The following FAM117B variants were observed in gnomAD, a reference collection of about 807,000 sequenced individuals.
FAM117B encodes protein FAM117B.
A neutral mutation model predicts 52.8 loss-of-function variants in FAM117B; 22 were observed. That is an observed-to-expected ratio of 0.42 (90% confidence interval 0.30 to 0.59). The LOEUF (loss-of-function observed/expected upper bound fraction) is 0.59, where lower values mean the gene tolerates loss of function less well. Among genes scored for constraint, FAM117B ranks in the 20% least tolerant of loss-of-function variants. The probability of loss-of-function intolerance (pLI) is 0.22; values close to 1 mark genes in which losing one functional copy is unlikely to be tolerated. For missense variants in FAM117B, 678 were observed against 802.6 expected (o/e 0.84, Z 1.88); for synonymous variants, 309 against 324.1 (o/e 0.95, Z 0.50).
At chr2:202,763,745 CTTAA>C (rs907498091) in intron 7 of FAM117B, among the ~76,000 whole-genome samples, 2 of 152,118 alleles carry the variant, frequency 1.3e-5, no homozygotes, top group African/African-American at 4.8e-5. Flanking sequence ...TTTCTTTGTT[CTTAA>C]TTGTTATATT....
chr2:202,681,737 G>C (rs1435654911), intron 1 of FAM117B, among the ~76,000 whole-genome samples: 1 of 152,214 alleles, frequency 6.6e-6, no homozygotes, highest in Non-Finnish European at 1.5e-5. Flanking sequence ...AAGTTGCATT[G>C]TAGAACACTC....
chr2:202,677,288 G>C (rs985991727), intron 1 of FAM117B, among the ~76,000 whole-genome samples: 1 of 151,874 alleles, frequency 6.6e-6, no homozygotes, highest in Non-Finnish European at 1.5e-5. Flanking sequence ...GGATGGTCTC[G>C]ATCTCCTGAC....
rs537895664 is a variant in FAM117B at position 202,742,630 on chromosome 2, A to G, written c.961-12908A>G. Among the ~76,000 whole-genome samples the G allele has an allele frequency of 2.2e-4, 34 of 152,354 alleles. 1 individual carries two copies. Among genetic ancestry groups the G allele is most frequent in the East Asian group, 1.2e-3 (6 of 5,194 alleles). On this transcript the variant is annotated intron_variant, in intron 4 of 7. Transcript: ENST00000392238. ...ATCTCAGCAGAAAAAAAAGATTTCT[A>G]TGACTCAAAATTCATAATCAACAAA...
At chr2:202,756,782 C>T (rs1691806147) in intron 5 of FAM117B, among the ~76,000 whole-genome samples, 1 of 152,130 alleles carries the variant, frequency 6.6e-6, no homozygotes. Context: ...ACCTTTCCCC[C>T]ATTTAGGAAG....
intron 1 of FAM117B, among the ~76,000 whole-genome samples, chr2:202,646,252 C>G (rs753207570): frequency 6.6e-6 from 1 of 152,216 alleles, no homozygotes; most frequent in African/African-American, 2.4e-5. Context: ...CTCAAGTGAT[C>G]CGCCTGTCTC....
intron 2 of FAM117B, among the ~76,000 whole-genome samples, chr2:202,707,854 C>T (rs541148663): frequency 2.2e-4 from 33 of 151,834 alleles, no homozygotes; most frequent in Admixed American, 3.3e-4. Context: ...CTGCAGCCTC[C>T]GCCTCCCAGG....
chr2:202,710,529 C>T (rs1422736460), intron 2 of FAM117B, among the ~76,000 whole-genome samples: 1 of 152,050 alleles, frequency 6.6e-6, no homozygotes, highest in Admixed American at 6.6e-5. Flanking sequence ...AGATATCTAT[C>T]ACCTCAAGCA....
rs1255981586 is a variant in FAM117B, at chr2:202,769,516, G to A, written c.*3752G>A. ...CCCTGAACAGCATTTTGTTTATACA[G>A]TCTTGTTTAAGAATAGAATTTTTTT... On this transcript the variant is annotated 3_prime_UTR_variant, in exon 8 of 8. Coordinates refer to ENST00000392238, the MANE Select transcript of FAM117B (RefSeq NM_173511.4). 1 of 152,496 alleles carries A rather than the reference G, an allele frequency of 6.6e-6. No homozygotes were observed. The highest frequency in any genetic ancestry group is 2.4e-5 in the African/African-American group (1 of 41,412). 9.4% of individuals were successfully genotyped at this position (152,496 alleles called of 1,614,324 possible).
At chr2:202,742,658 G>T (rs1241947642) in intron 4 of FAM117B, among the ~76,000 whole-genome samples, 2 of 152,048 alleles carry the variant, frequency 1.3e-5, no homozygotes, top group Non-Finnish European at 2.9e-5. Flanking sequence ...TCAACAAAAG[G>T]TTGATAAGTT....
intron 2 of FAM117B, among the ~76,000 whole-genome samples, chr2:202,724,287 T>C (rs891744399): frequency 1.8e-4 from 28 of 152,226 alleles, no homozygotes; most frequent in Admixed American, 7.8e-4. Flanking sequence ...TCGTGGCCTG[T>C]CCGCCTTGGC....
At chr2:202,643,513 T>TTA (rs2105752642) in intron 1 of FAM117B, among the ~76,000 whole-genome samples, 1 of 152,276 alleles carries the variant, frequency 6.6e-6, no homozygotes, top group Non-Finnish European at 1.5e-5. Flanking sequence ...ATGCTTGTCT[T>TTA]TATACTATAT....
Position 202,695,929 on chromosome 2 carries a change from G to C in FAM117B, c.650G>C (p.Arg217Pro), listed in dbSNP as rs780227097. Residue 217 changes from arginine to proline, a missense_variant, in exon 2 of 8, where the codon CGC becomes CCC. Transcript: ENST00000392238. ...TCAAGCCCCTCCAGTATTATCCGACGCACTTCCTCCCTGGATACTCTTGCT... is the reference window on the plus strand; with the variant it reads ...TCAAGCCCCTCCAGTATTATCCGACCCACTTCCTCCCTGGATACTCTTGCT... ...PSSSPSSIIRRTSSLDTLAAP... is the reference protein window; with the variant it reads ...PSSSPSSIIRPTSSLDTLAAP... 1 of 1,613,436 alleles carries C rather than the reference G, an allele frequency of 6.2e-7. No individual in the cohort carries two copies. Among genetic ancestry groups the C allele is most frequent in the Non-Finnish European group, 8.5e-7 (1 of 1,179,718 alleles).
chr2:202,689,865 C>T (rs1324821718), intron 1 of FAM117B, among the ~76,000 whole-genome samples: 1 of 151,956 alleles, frequency 6.6e-6, no homozygotes, highest in Non-Finnish European at 1.5e-5. Flanking sequence ...CTGCTGTGAG[C>T]CCTGATCCCA....
chr2:202,646,638 A>G (rs936061346), intron 1 of FAM117B, among the ~76,000 whole-genome samples: 1 of 152,156 alleles, frequency 6.6e-6, no homozygotes, highest in Non-Finnish European at 1.5e-5. Context: ...GTTGAGATAT[A>G]TTGCTCTAGT....
chr2:202,732,100 A>C (rs1309382344), intron 4 of FAM117B, among the ~76,000 whole-genome samples: 3 of 144,894 alleles, frequency 2.1e-5, no homozygotes, highest in Non-Finnish European at 3.0e-5. Context: ...CTTGTTGGCC[A>C]GGCTGGTCTT....
chr2:202,743,461 A>C (rs893367328), intron 4 of FAM117B, among the ~76,000 whole-genome samples: 3 of 152,210 alleles, frequency 2.0e-5, no homozygotes, highest in Non-Finnish European at 4.4e-5. Flanking sequence ...TACAAGTATT[A>C]ATATAAGGAT....
chr2:202,640,307 T>TATATAC (rs1553517969), intron 1 of FAM117B, among the ~76,000 whole-genome samples: 1 of 54,812 alleles, frequency 1.8e-5, no homozygotes, highest in African/African-American at 8.1e-5. Flanking sequence ...TATATATATA[T>TATATAC]ATATATATAT....
rs1690879699 is a variant in FAM117B, at chr2:202,706,960, G to C, written c.753+10928G>C. Among the ~76,000 whole-genome samples, 4 of 152,146 alleles carry C rather than the reference G, an allele frequency of 2.6e-5. No individual in the cohort carries two copies. In the South Asian group the frequency reaches 8.3e-4, roughly 32 times the overall value. ...TTTAATTTCGAAATCTTTACTACTTGGAGTTGTGTTCCTGTCCTTTCTTAT... is the reference window on the plus strand; with the variant it reads ...TTTAATTTCGAAATCTTTACTACTTCGAGTTGTGTTCCTGTCCTTTCTTAT... On this transcript the variant is annotated intron_variant, in intron 2 of 7. Transcript: ENST00000392238.
At chr2:202,686,018 T>C (rs7577225) in intron 1 of FAM117B, among the ~76,000 whole-genome samples, 86,112 of 152,072 alleles carry the variant, frequency 0.57, 25,419 homozygotes, top group African/African-American at 0.7. Context: ...CAAAACTGTT[T>C]GTATGCATAT....
Sources: allele counts gnomAD v4.1 joint callset (sites outside exome capture counted in the v4.1 genomes callset), GRCh38; gene constraint gnomAD v4.1.1; transcripts MANE v1.5; gene names NCBI Gene and HGNC (gene_info 2026-07-23, HGNC 2026-07-21).